RNPS1: variants seen among roughly 807,000 people sequenced by gnomAD.
RNPS1 encodes the protein RNA-binding protein with serine-rich domain 1.
For synonymous variants in RNPS1, 147 were observed against 150.0 expected (o/e 0.98, Z 0.15); for missense variants, 300 against 427.6 (o/e 0.70, Z 2.63).
intron 6 of RNPS1, 57 bp downstream of exon 6, chr16:2,262,221 A>T: frequency 6.5e-7 from 1 of 1,542,906 alleles, no homozygotes; most frequent in Non-Finnish European, 8.9e-7. Flanking sequence ...TCAGTTTGAA[A>T]GCCCCTCGCG....
At chr16:2,262,078 G>A in intron 6 of RNPS1, 200 bp downstream of exon 6, 2 of 513,280 alleles carry the variant, frequency 3.9e-6, no homozygotes, top group Admixed American at 3.6e-5. Context: ...CTCAGTTAAT[G>A]TGCATCTTGT....
intron 6 of RNPS1, chr16:2,257,308 A>G (rs887633449): frequency 1.3e-5 from 2 of 152,178 alleles, no homozygotes; most frequent in African/African-American, 4.8e-5. Context: ...TTTAAGGCAC[A>G]TGGGGACTAA....
At chr16:2,254,547 T>G (rs984412240) in intron 7 of RNPS1, among the ~76,000 whole-genome samples, 3 of 152,086 alleles carry the variant, frequency 2.0e-5, no homozygotes, top group Non-Finnish European at 4.4e-5. Context: ...TCCGCCCACC[T>G]CGGCCTCCCA....
At chr16:2,265,892 G>T (rs1427481894) in intron 1 of RNPS1, 1 of 155,222 alleles carries the variant, frequency 6.4e-6, no homozygotes, top group Non-Finnish European at 1.4e-5. Flanking sequence ...GAAATTGCGT[G>T]AGAGACTGCC....
chr16:2,265,253 A>G (rs1473000775), intron 1 of RNPS1: 1 of 152,442 alleles, frequency 6.6e-6, no homozygotes, highest in African/African-American at 2.4e-5. Flanking sequence ...CAAAACACTT[A>G]ATACCCAAAA....
At chr16:2,262,520 G>C (rs964926093) in intron 5 of RNPS1, 89 bp from the exon 6 acceptor site, 2 of 1,418,824 alleles carry the variant, frequency 1.4e-6, no homozygotes, top group East Asian at 2.3e-5. Flanking sequence ...CTAAAACCTC[G>C]GCAGGGTAAA....
At chr16:2,262,600 C>T (rs2093607627) in intron 5 of RNPS1, 140 bp downstream of exon 5, 3 of 947,882 alleles carry the variant, frequency 3.2e-6, no homozygotes, top group Non-Finnish European at 4.8e-6. Flanking sequence ...AATGGTCCAC[C>T]AAGAGGAACG....
Position 2,263,143 on chromosome 16 carries a change from T to A in RNPS1, c.372A>T (p.Pro124=). The A allele has an allele frequency of 1.9e-6, 3 of 1,613,482 alleles. No homozygotes were observed. Among genetic ancestry groups the A allele is most frequent in the Non-Finnish European group, 2.5e-6 (3 of 1,179,846 alleles). Residue 124 remains proline (P), a synonymous_variant, in exon 4 of 8, where the codon CCA becomes CCT. Transcript: ENST00000320225. ...SSSSSSSSGS[P]SPSRRRHDNR... ...TGTCGTGTCTGCGCCGAGAAGGACT[T>A]GGAGAGCCAGAAGAGCTGCTAGAGC...
chr16:2,262,740 C>T lies in RNPS1; in HGVS notation c.522G>A (p.Lys174=). 1 of 1,611,966 alleles carries T rather than the reference C, an allele frequency of 6.2e-7. No homozygotes were observed. Among genetic ancestry groups the T allele is most frequent in the Non-Finnish European group, 8.5e-7 (1 of 1,179,386 alleles). ...CACAGGAGAGATCCATGATCCTCAC[C>T]TTTGTCACATTCCGGGTGAGTCTCC... ...HIGRLTRNVT[K]DHIMEIFSTY... The change falls in exon 5 of 8, where the codon AAG becomes AAA. Residue 174 remains lysine (K), a splice_region_variant and synonymous_variant. Coordinates refer to ENST00000320225, the MANE Select transcript of RNPS1 (RefSeq NM_080594.4).
chr16:2,262,609 C>A, intron 5 of RNPS1, 131 bp downstream of exon 5: 3 of 960,854 alleles, frequency 3.1e-6, no homozygotes, highest in South Asian at 1.5e-5. Flanking sequence ...CCAAGAGGAA[C>A]GAATCAATGC....
At chr16:2,254,809 T>A (rs2093570077) in intron 7 of RNPS1, among the ~76,000 whole-genome samples, 1 of 148,796 alleles carries the variant, frequency 6.7e-6, no homozygotes, top group African/African-American at 2.5e-5. Context: ...TGGCATGATC[T>A]TGGCTCACTG....
At chr16:2,261,145 T>A (rs540392554) in intron 6 of RNPS1, among the ~76,000 whole-genome samples, 1 of 151,578 alleles carries the variant, frequency 6.6e-6, no homozygotes, top group Admixed American at 6.6e-5. Flanking sequence ...AAAAAAAAAA[T>A]TGTTTCAAAA....
Position 2,267,740 on chromosome 16 carries a change from G to C in RNPS1, c.-118+315C>G, listed in dbSNP as rs1217269122. ...GTTGGGGGCTTGGGTCTCCGGCCCG[G>C]CGGGAGGGCCCCAAGGGCGGAGGCC... On this transcript the variant is annotated intron_variant, in intron 1 of 7. Transcript: ENST00000320225. 5 of 1,292,080 alleles carry C rather than the reference G, an allele frequency of 3.9e-6. No individual in the cohort carries two copies. The Admixed American group carries it at 2.2e-4, about 57-fold the overall frequency. 80.0% of individuals were successfully genotyped at this position (1,292,080 alleles called of 1,614,324 possible).
rs2093575937 is a variant in RNPS1, at chr16:2,255,863, C to G, written c.677-137G>C. On this transcript the variant is annotated intron_variant, in intron 6 of 7. Transcript: ENST00000320225. Reference sequence around the variant, plus strand: ...AGAAACAGGGCCGGGCATGGTGGCTCACTCCTGTAATCCCAGCACTTTGGG... The same window carrying G: ...AGAAACAGGGCCGGGCATGGTGGCTGACTCCTGTAATCCCAGCACTTTGGG... 5 of 951,672 alleles carry G rather than the reference C, an allele frequency of 5.3e-6. No individual in the cohort carries two copies. In the East Asian group the frequency reaches 1.3e-4, roughly 25 times the overall value. The allele number at this position is 951,672 out of a possible 1,614,324, so 59.0% of individuals were successfully genotyped here.
intron 6 of RNPS1, chr16:2,262,064 C>T (rs368665388): frequency 1.3e-5 from 6 of 478,888 alleles, no homozygotes; most frequent in South Asian, 8.9e-5. Flanking sequence ...AAAAACTCCA[C>T]CTACTCAGTT....
chr16:2,265,830 G>A (rs959583955), intron 1 of RNPS1: 1 of 152,418 alleles, frequency 6.6e-6, no homozygotes, highest in Non-Finnish European at 1.5e-5. Flanking sequence ...CGACCTTCCT[G>A]TGTTTTTTTT....
rs2093558912 is a variant in RNPS1 at position 2,253,178 on chromosome 16, C to T, written c.*786G>A. 6.6e-6 allele frequency: 1 copy of T among 152,514 alleles called. No individual in the cohort carries two copies. The highest frequency in any genetic ancestry group is 2.1e-4 in the South Asian group (1 of 4,832). 9.4% of individuals were successfully genotyped at this position (152,514 alleles called of 1,614,324 possible). On this transcript the variant is annotated 3_prime_UTR_variant, in exon 8 of 8. Coordinates refer to ENST00000320225, the MANE Select transcript of RNPS1 (RefSeq NM_080594.4). ...TTCTTCCACTCTACACAACAAAGTA[C>T]AAACACAATGTCATCTAAAATGCTA...
At chr16:2,259,822 G>A (rs906734247) in intron 6 of RNPS1, among the ~76,000 whole-genome samples, 2 of 152,190 alleles carry the variant, frequency 1.3e-5, no homozygotes, top group Admixed American at 6.5e-5. Flanking sequence ...CCAGGAGGTG[G>A]AGCTTGCAGT....
In RNPS1 at chr16:2,262,282, A is replaced by G. The variant is rs2093606152; in HGVS notation, c.672T>C (p.Asp224=). 3.1e-6 allele frequency: 5 copies of G among 1,612,548 alleles called. No individual in the cohort carries two copies. Among genetic ancestry groups the G allele is most frequent in the Non-Finnish European group, 4.2e-6 (5 of 1,179,976 alleles). Residue 224 remains aspartate, a synonymous_variant, in exon 6 of 8, where the codon GAT becomes GAC. Coordinates refer to ENST00000320225, the MANE Select transcript of RNPS1 (RefSeq NM_080594.4). ...DEAEKALKHM[D]GGQIDGQEIT... is the part of the protein sequence containing the mutation. ...TTATGTGGCAGGGTCACCCACCTCCATCCATGTGCTTCAGCGCCTTCTCGG... is the reference window on the plus strand; with the variant it reads ...TTATGTGGCAGGGTCACCCACCTCCGTCCATGTGCTTCAGCGCCTTCTCGG...
Sources: gnomAD v4.1 joint callset for allele counts (sites outside exome capture counted in the v4.1 genomes callset) on GRCh38, gnomAD v4.1.1 for gene constraint, MANE v1.5 for transcripts, NCBI Gene and HGNC (gene_info 2026-07-23, HGNC 2026-07-21) for gene names.